The following UVRAG variants were observed in gnomAD, a reference collection of about 807,000 sequenced individuals.
The protein encoded by UVRAG is UV radiation resistance-associated gene protein.
UVRAG carries 19 observed loss-of-function variants against 78.0 expected under a neutral mutation model. That is an observed-to-expected ratio of 0.24 (90% confidence interval 0.17 to 0.36). The LOEUF (loss-of-function observed/expected upper bound fraction) is 0.36. Ranked by LOEUF, UVRAG falls within the 10% of genes least tolerant of loss-of-function variation. UVRAG has a pLI of 1.00. For missense variants in UVRAG, 740 were observed against 853.8 expected, an observed-to-expected ratio of 0.87 and a Z score of 1.66; for synonymous variants, 323 against 324.6, an observed-to-expected ratio of 1.00 and a Z score of 0.05.
chr11:75,828,748 CACACACATATATATATATATATATAT>C (rs1945580868), intron 1 of UVRAG, among the ~76,000 whole-genome samples: 7 of 76,546 alleles, frequency 9.1e-5, no homozygotes, highest in African/African-American at 3.2e-4. Flanking sequence ...TATATATATA[CACACACATATATATATATATATATAT>C]ACACACATAT....
chr11:75,826,514 G>A (rs1020657521), intron 1 of UVRAG, among the ~76,000 whole-genome samples: 48 of 152,298 alleles, frequency 3.2e-4, no homozygotes, highest in African/African-American at 1.1e-3. Flanking sequence ...GGGGATTTTA[G>A]GCTAGAACTG....
chr11:75,889,188 G>C (rs1324768548), intron 5 of UVRAG, among the ~76,000 whole-genome samples: 4 of 152,190 alleles, frequency 2.6e-5, no homozygotes, highest in African/African-American at 9.7e-5. Flanking sequence ...GGTTAAGAAA[G>C]GATGGTGAAT....
At chr11:75,861,451 G>A (rs1029232422) in intron 2 of UVRAG, among the ~76,000 whole-genome samples, 43 of 152,152 alleles carry the variant, frequency 2.8e-4, no homozygotes, top group Non-Finnish European at 1.5e-4. Context: ...GAAGAAGGTT[G>A]GAGCTTTTAA....
chr11:76,120,894 A>G (rs912018611), intron 14 of UVRAG, among the ~76,000 whole-genome samples: 1 of 152,130 alleles, frequency 6.6e-6, no homozygotes, highest in African/African-American at 2.4e-5. Flanking sequence ...GGGTAAAAAA[A>G]CTCAGGTTCC....
At chr11:75,817,319 A>G (rs185767191) in intron 1 of UVRAG, among the ~76,000 whole-genome samples, 1 of 152,182 alleles carries the variant, frequency 6.6e-6, no homozygotes, top group East Asian at 1.9e-4. Flanking sequence ...CATTTACTTC[A>G]TGGAGCCTAT....
intron 12 of UVRAG, among the ~76,000 whole-genome samples, chr11:76,032,398 CT>C (rs1044929301): frequency 6.6e-6 from 1 of 152,082 alleles, no homozygotes; most frequent in African/African-American, 2.4e-5. Flanking sequence ...TTAATAGTTG[CT>C]TTTCTTCTCT....
intron 7 of UVRAG, 150 bp from the exon 8 acceptor site, chr11:75,983,237 G>T: frequency 1.6e-6 from 1 of 639,274 alleles, no homozygotes; most frequent in Non-Finnish European, 2.5e-6. Flanking sequence ...AAAGGATGGT[G>T]CTGGTAATTA....
intron 12 of UVRAG, among the ~76,000 whole-genome samples, chr11:76,035,662 G>T (rs1003386330): frequency 6.6e-6 from 1 of 152,126 alleles, no homozygotes; most frequent in African/African-American, 2.4e-5. Context: ...AGGTCTTTGT[G>T]ATTTAGTAAA....
chr11:75,815,764 A>G lies in UVRAG; in HGVS notation c.117+240A>G, dbSNP rs193002473. Among the ~76,000 whole-genome samples, 56 of 152,144 alleles carry G rather than the reference A, an allele frequency of 3.7e-4. No homozygotes were observed. In the East Asian group the frequency reaches 0.01, roughly 27 times the overall value. On this transcript the variant is annotated intron_variant, in intron 1 of 14. Coordinates refer to ENST00000356136, the MANE Select transcript of UVRAG (RefSeq NM_003369.4). ...ACAGGAGATGGGCTTGTTAAGGGAC[A>G]AGCAGCCAGCCAGCTCAAGTCCCTG...
chr11:75,861,610 A>T, intron 2 of UVRAG, 136 bp from the exon 3 acceptor site: 2 of 585,684 alleles, frequency 3.4e-6, no homozygotes, highest in East Asian at 6.1e-5. Context: ...AGATAAAGAT[A>T]TAGAGAGAAT....
chr11:76,035,559 A>G (rs1413922165), intron 12 of UVRAG, among the ~76,000 whole-genome samples: 1 of 152,200 alleles, frequency 6.6e-6, no homozygotes, highest in Non-Finnish European at 1.5e-5. Context: ...CAGTCTCAGA[A>G]TGATAAATAT....
In UVRAG at chr11:75,815,500, G is replaced by C; in HGVS notation, c.93G>C (p.Leu31=). 1 of 1,240,956 alleles carries C rather than the reference G, an allele frequency of 8.1e-7. No individual in the cohort carries two copies. The highest frequency in any genetic ancestry group is 1.5e-5 in the African/African-American group (1 of 64,546). 76.9% of individuals were successfully genotyped at this position (1,240,956 alleles called of 1,614,324 possible). A position where few individuals can be genotyped will look rare whatever the true frequency, so the allele number is the denominator to read the frequency against. The change falls in exon 1 of 15, where the codon CTG becomes CTC. Residue 31 remains leucine (L), a synonymous_variant. Coordinates refer to ENST00000356136, the MANE Select transcript of UVRAG (RefSeq NM_003369.4). ...ALPPGSAARA[L]HVELPSQQRR... ...CTCCCGGTTCTGCCGCGCGGGCCCT[G>C]CATGTGGAGCTGCCGTCTCAGCAGG...
intron 1 of UVRAG, among the ~76,000 whole-genome samples, chr11:75,823,997 T>G (rs1480226267): frequency 6.6e-6 from 1 of 152,156 alleles, no homozygotes; most frequent in Non-Finnish European, 1.5e-5. Flanking sequence ...TATTTTCCCT[T>G]TCTGTGTTTA....
intron 1 of UVRAG, among the ~76,000 whole-genome samples, chr11:75,828,772 TATACACACATATATATATATATATATATA>T (rs1945585122): frequency 9.0e-6 from 1 of 111,176 alleles, no homozygotes; most frequent in African/African-American, 3.9e-5. Context: ...TATATATATA[TATACACACATATATATATATATATATATA>T]TATATTTTTT....
intron 13 of UVRAG, among the ~76,000 whole-genome samples, chr11:76,069,677 C>G (rs1296428060): frequency 6.6e-6 from 1 of 152,144 alleles, no homozygotes; most frequent in Non-Finnish European, 1.5e-5. Context: ...CACATGATCC[C>G]TATCATCACC....
intron 6 of UVRAG, among the ~76,000 whole-genome samples, chr11:75,940,543 C>T (rs1262756207): frequency 6.6e-6 from 1 of 152,066 alleles, no homozygotes; most frequent in African/African-American, 2.4e-5. Flanking sequence ...TGGAGATTTG[C>T]CATTATAGAG....
chr11:75,943,100 TGGCAATTAATTTCAACATGAGTTTGGG>T (rs907923061), intron 6 of UVRAG, among the ~76,000 whole-genome samples: 4 of 152,066 alleles, frequency 2.6e-5, no homozygotes, highest in African/African-American at 9.7e-5. Flanking sequence ...CCCAATACTA[TGGCAATTAATTTCAACATGAGTTTGGG>T]AGGGTACAAA....
chr11:75,853,897 T>C, intron 2 of UVRAG, among the ~76,000 whole-genome samples: 1 of 151,378 alleles, frequency 6.6e-6, no homozygotes, highest in Middle Eastern at 3.2e-3. Flanking sequence ...CTCAGCCTCC[T>C]GAGTAGCTGG....
At chr11:76,022,885 G>C (rs1950270663) in intron 12 of UVRAG, among the ~76,000 whole-genome samples, 1 of 151,748 alleles carries the variant, frequency 6.6e-6, no homozygotes, top group Admixed American at 6.6e-5. Flanking sequence ...TATTTTTTGA[G>C]GTGTACCCTT....
Sources: allele counts gnomAD v4.1 joint callset (sites outside exome capture counted in the v4.1 genomes callset), GRCh38; gene constraint gnomAD v4.1.1; transcripts MANE v1.5; gene names NCBI Gene and HGNC (gene_info 2026-07-23, HGNC 2026-07-21).